CCDC122: variants seen among roughly 807,000 people sequenced by gnomAD.
The protein encoded by CCDC122 is coiled-coil domain containing 122, also known as coiled-coil domain-containing protein 122.
A neutral mutation model predicts 37.0 loss-of-function variants in CCDC122; 38 were observed. The observed-to-expected ratio is 1.03, with a 90% CI of 0.79 to 1.35. The LOEUF (loss-of-function observed/expected upper bound fraction) is 1.35. Ranked by LOEUF, CCDC122 falls within the 40% of genes most tolerant of loss-of-function variation. CCDC122 has a pLI of 0.00. For missense variants in CCDC122, 305 were observed against 310.0 expected (o/e 0.98, Z 0.12); for synonymous variants, 83 against 95.6 (o/e 0.87, Z 0.77).
chr13:43,845,449 G>A (rs1953486717), intron 6 of CCDC122, among the ~76,000 whole-genome samples: 1 of 152,208 alleles, frequency 6.6e-6, no homozygotes, highest in Non-Finnish European at 1.5e-5. Context: ...AGTGGCTCAT[G>A]CCTGTAATCC....
downstream of CCDC122, among the ~76,000 whole-genome samples, chr13:43,833,723 C>T (rs2153868643): frequency 6.6e-6 from 1 of 152,164 alleles, no homozygotes; most frequent in East Asian, 1.9e-4. Context: ...TCTGCAGAGG[C>T]CAGTGAGATC....
chr13:43,820,564 G>A (rs946539759), downstream of CCDC122, among the ~76,000 whole-genome samples: 3 of 152,184 alleles, frequency 2.0e-5, no homozygotes, highest in South Asian at 4.2e-4. Context: ...AAAAATCTAC[G>A]AGTTAATTAT....
intron 3 of CCDC122, among the ~76,000 whole-genome samples, chr13:43,828,968 T>C (rs1380675788): frequency 1.3e-5 from 2 of 152,226 alleles, no homozygotes; most frequent in South Asian, 2.1e-4. Flanking sequence ...AAAAAGGTTA[T>C]ATTGACTTTA....
At chr13:43,854,169 C>G (rs12875768) in intron 6 of CCDC122, 2 of 151,576 alleles carry the variant, frequency 1.3e-5, no homozygotes, top group African/African-American at 4.9e-5. Context: ...AAAAAAAACC[C>G]TTCAAAAAGA....
At chr13:43,820,221 G>A (rs9533629), downstream of CCDC122, among the ~76,000 whole-genome samples, 140,062 of 152,228 alleles carry the variant, frequency 0.92, 64,833 homozygotes, top group South Asian at 0.98. Flanking sequence ...AAATATTGTT[G>A]TTTTCTACCT....
chr13:43,827,940 G>GT (rs1187280876), intron 3 of CCDC122, among the ~76,000 whole-genome samples: 3 of 152,188 alleles, frequency 2.0e-5, no homozygotes, highest in Admixed American at 2.0e-4. Flanking sequence ...GGAATAGTAT[G>GT]TCAAAGCACA....
At chr13:43,863,272 AT>A (rs1337388021) in intron 4 of CCDC122, among the ~76,000 whole-genome samples, 1 of 152,164 alleles carries the variant, frequency 6.6e-6, no homozygotes, top group Admixed American at 6.6e-5. Flanking sequence ...AAATAGAATC[AT>A]TTAATACATA....
chr13:43,845,790 G>C (rs1489603871), intron 6 of CCDC122, among the ~76,000 whole-genome samples: 1 of 152,122 alleles, frequency 6.6e-6, no homozygotes, highest in Non-Finnish European at 1.5e-5. Context: ...TCCACCAACT[G>C]TTGTTTATCA....
At chr13:43,872,902 C>G (rs1954494044) in intron 2 of CCDC122, among the ~76,000 whole-genome samples, 1 of 152,154 alleles carries the variant, frequency 6.6e-6, no homozygotes, top group Non-Finnish European at 1.5e-5. Context: ...CACTTCCTCT[C>G]CTCTTTCTTC....
At chr13:43,820,377 G>T (rs530362368), downstream of CCDC122, among the ~76,000 whole-genome samples, 1 of 152,058 alleles carries the variant, frequency 6.6e-6, no homozygotes, top group African/African-American at 2.4e-5. Flanking sequence ...GGTCTAAGGC[G>T]GGGAATATAG....
Position 43,869,481 on chromosome 13 carries a change from T to C in CCDC122, c.-105A>G, listed in dbSNP as rs557717870. 128 of 821,714 alleles carry C rather than the reference T, an allele frequency of 1.6e-4. 1 individual carries two copies. The South Asian group carries it at 1.8e-3, about 12-fold the overall frequency. 50.9% of individuals were successfully genotyped at this position (821,714 alleles called of 1,614,324 possible). On this transcript the variant is annotated 5_prime_UTR_variant, in exon 3 of 7. Transcript: ENST00000444614. The stretch of plus-strand genomic sequence containing the variant: ...CACTTTTGTTTTTTCCTGTTGTATA[T>C]TGGTGATCCTGAAAGGTAAATTAAT...
At position 43,858,907 on chromosome 13, in the gene CCDC122, G is replaced by A; in HGVS notation, c.556-10C>T. On this transcript the variant is annotated splice_polypyrimidine_tract_variant and intron_variant, in intron 5 of 6. Coordinates refer to ENST00000444614, the MANE Select transcript of CCDC122 (RefSeq NM_144974.5). Reference sequence around the variant, plus strand: ...AGTTTGTAATGTCTTCCTGTATGTTGACAACATTTGAAATATAGAAGTCAA... The same window carrying A: ...AGTTTGTAATGTCTTCCTGTATGTTAACAACATTTGAAATATAGAAGTCAA... 7.3e-7 allele frequency: 1 copy of A among 1,373,488 alleles called. No individual in the cohort carries two copies. The highest frequency in any genetic ancestry group is 9.7e-7 in the Non-Finnish European group (1 of 1,026,530). The allele number at this position is 1,373,488 out of a possible 1,614,324, so 85.1% of individuals were successfully genotyped here.
At chr13:43,844,442 T>G (rs1953450733) in intron 6 of CCDC122, among the ~76,000 whole-genome samples, 1 of 152,024 alleles carries the variant, frequency 6.6e-6, no homozygotes, top group Non-Finnish European at 1.5e-5. Flanking sequence ...GGTGAATATT[T>G]CATGTACACT....
chr13:43,870,349 T>C (rs1224404771), intron 2 of CCDC122, among the ~76,000 whole-genome samples: 1 of 152,132 alleles, frequency 6.6e-6, no homozygotes. Flanking sequence ...TCATGTTACA[T>C]CCTTTCTGCT....
At chr13:43,866,138 T>C (rs1954269542) in intron 4 of CCDC122, among the ~76,000 whole-genome samples, 1 of 152,222 alleles carries the variant, frequency 6.6e-6, no homozygotes, top group South Asian at 2.1e-4. Context: ...GATTTCATCA[T>C]GCTACTCAGA....
chr13:43,853,421 A>G (rs909226386), intron 6 of CCDC122, among the ~76,000 whole-genome samples: 4 of 152,238 alleles, frequency 2.6e-5, no homozygotes, highest in Non-Finnish European at 5.9e-5. Flanking sequence ...TAAAGGATTC[A>G]ATTTAACAAT....
At chr13:43,841,087 T>C (rs1443849937) in intron 6 of CCDC122, among the ~76,000 whole-genome samples, 1 of 152,190 alleles carries the variant, frequency 6.6e-6, no homozygotes, top group African/African-American at 2.4e-5. Flanking sequence ...TGCAGGACAG[T>C]GGGTGCAGTG....
At chr13:43,830,348 G>C (rs1953078171) in intron 3 of CCDC122, among the ~76,000 whole-genome samples, 1 of 152,202 alleles carries the variant, frequency 6.6e-6, no homozygotes, top group African/African-American at 2.4e-5. Context: ...ATTTCAATGT[G>C]CGATTAATCT....
intron 6 of CCDC122, among the ~76,000 whole-genome samples, chr13:43,853,770 A>C (rs1953820038): frequency 6.6e-6 from 1 of 152,240 alleles, no homozygotes; most frequent in Non-Finnish European, 1.5e-5. Context: ...ATGTGAAATA[A>C]CTGAACTCAT....
Sources: allele counts gnomAD v4.1 joint callset (sites outside exome capture counted in the v4.1 genomes callset), GRCh38; gene constraint gnomAD v4.1.1; transcripts MANE v1.5; gene names NCBI Gene and HGNC (gene_info 2026-07-23, HGNC 2026-07-21).